KANK1: variants seen among roughly 807,000 people sequenced by gnomAD.
KANK1 encodes the protein KN motif and ankyrin repeat domain-containing protein 1.
KANK1 carries 109 observed loss-of-function variants against 106.2 expected under a neutral mutation model. The ratio of observed to expected loss-of-function variants is 1.03; its 90% CI spans 0.88 to 1.20. The LOEUF (loss-of-function observed/expected upper bound fraction) is 1.20. KANK1 is among the 50% of genes most tolerant of loss of function. The probability of loss-of-function intolerance (pLI) is 0.00; values close to 1 mark genes in which losing one functional copy is unlikely to be tolerated. For synonymous variants in KANK1, 873 were observed against 652.2 expected (o/e 1.34, Z -5.16); for missense variants, 2,399 against 1,710.7 (o/e 1.40, Z -7.10).
rs150303132 is a variant in KANK1 at position 712,026 on chromosome 9, G to C, written c.1260G>C (p.Arg420Ser). 127 of 1,614,162 alleles carry C rather than the reference G, an allele frequency of 7.9e-5. No homozygotes were observed. In the African/African-American group the frequency reaches 1.6e-3, roughly 20 times the overall value. ...NDIVVYHRGS[R>S]SCKDAAVGTL... The stretch of plus-strand genomic sequence containing the variant: ...TCGTCGTGTACCACAGAGGCTCCAG[G>C]TCCTGTAAGGATGCAGCTGTAGGGA... Residue 420 changes from arginine to serine, a missense_variant, in exon 3 of 12, where the codon AGG (arginine) becomes AGC (serine). Transcript: ENST00000382297.
chr9:664,438 T>A (rs556413575), intron 1 of KANK1, among the ~76,000 whole-genome samples: 1 of 152,282 alleles, frequency 6.6e-6, no homozygotes, highest in Admixed American at 6.5e-5. Flanking sequence ...CTATTGTGTA[T>A]TTTTACCACA....
intron 1 of KANK1, among the ~76,000 whole-genome samples, chr9:516,736 T>C (rs957464649): frequency 8.6e-5 from 13 of 151,704 alleles, no homozygotes; most frequent in African/African-American, 3.2e-4. Flanking sequence ...TCAAAAATAC[T>C]TGTTGAATGA....
At position 712,390 on chromosome 9, in the gene KANK1, G is replaced by T; in HGVS notation, c.1624G>T (p.Val542Leu). Residue 542 changes from valine (V) to leucine (L), a missense_variant, in exon 3 of 12, where the codon GTG (valine) becomes TTG (leucine). By Grantham distance (32) the Val-to-Leu change is conservative. Coordinates refer to ENST00000382297, the MANE Select transcript of KANK1 (RefSeq NM_015158.5). The part of the protein sequence containing the change: ...DLVDTCVGTS[V>L]ETNSVGISCQ... ...GGTGGACACGTGTGTTGGGACCTCC[G>T]TGGAAACAAACAGTGTAGGCATCTC... is the stretch of plus-strand genomic sequence containing the variant. 6.2e-7 allele frequency: 1 copy of T among 1,614,188 alleles called. No homozygotes were observed. Among genetic ancestry groups the T allele is most frequent in the Non-Finnish European group, 8.5e-7 (1 of 1,180,050 alleles).
chr9:677,020 G>C lies in KANK1; in HGVS notation c.37+11G>C, dbSNP rs755648219. 3.7e-6 allele frequency: 6 copies of C among 1,612,320 alleles called. No homozygotes were observed. In the South Asian group the frequency reaches 4.4e-5, roughly 12 times the overall value. On this transcript the variant is annotated intron_variant, in intron 2 of 11. Coordinates refer to ENST00000382297, the MANE Select transcript of KANK1 (RefSeq NM_015158.5). ...ACGGCAGTGCCTCAGGTAACCCTGTGCTCTGGAGTTTGTGTGTTAAATGTA... is the reference window on the plus strand; with the variant it reads ...ACGGCAGTGCCTCAGGTAACCCTGTCCTCTGGAGTTTGTGTGTTAAATGTA...
At chr9:606,923 G>C (rs1011155271) in intron 1 of KANK1, among the ~76,000 whole-genome samples, 25 of 151,718 alleles carry the variant, frequency 1.6e-4, no homozygotes, top group South Asian at 1.5e-3. Context: ...GCAGGCTACT[G>C]AGTTGGCTTA....
At chr9:500,394 T>A (rs2058529479), upstream of KANK1, among the ~76,000 whole-genome samples, 1 of 152,196 alleles carries the variant, frequency 6.6e-6, no homozygotes, top group Admixed American at 6.5e-5. Flanking sequence ...GGTAACTCCA[T>A]AAGGCTCTTC....
chr9:639,689 C>A (rs1837953675), intron 1 of KANK1, among the ~76,000 whole-genome samples: 1 of 152,198 alleles, frequency 6.6e-6, no homozygotes, highest in African/African-American at 2.4e-5. Context: ...TAAGTAAAGT[C>A]TCCGTCTTAG....
intron 1 of KANK1, among the ~76,000 whole-genome samples, chr9:631,656 G>C (rs1156909047): frequency 6.6e-6 from 1 of 152,192 alleles, no homozygotes; most frequent in East Asian, 1.9e-4. Context: ...GTGTCTTTCA[G>C]TGACTCCTGC....
chr9:561,471 C>G (rs1038142199), intron 1 of KANK1, among the ~76,000 whole-genome samples: 2 of 152,202 alleles, frequency 1.3e-5, no homozygotes, highest in Admixed American at 6.5e-5. Context: ...TAAACAACAA[C>G]TCTACAATGA....
chr9:552,486 A>G (rs1284409861), intron 1 of KANK1, among the ~76,000 whole-genome samples: 1 of 152,182 alleles, frequency 6.6e-6, no homozygotes, highest in Non-Finnish European at 1.5e-5. Flanking sequence ...TTCTTAAGTG[A>G]CTTTTTCTTT....
rs566546670 is a variant in KANK1 at position 693,610 on chromosome 9, G to A, written c.37+16601G>A. ...GCCAAGAGTCCTGGAATTAAACCCC[G>A]TGGCCAGCAGGCTGTTAGTTCGTCA... On this transcript the variant is annotated intron_variant, in intron 2 of 11. Transcript: ENST00000382297. 33 of 985,318 alleles carry A rather than the reference G, an allele frequency of 3.3e-5. No homozygotes were observed. In the South Asian group the frequency reaches 4.2e-4, roughly 13 times the overall value. 61.0% of individuals were successfully genotyped at this position (985,318 alleles called of 1,614,324 possible).
intron 1 of KANK1, among the ~76,000 whole-genome samples, chr9:532,089 G>A (rs1451670422): frequency 1.3e-5 from 2 of 152,174 alleles, no homozygotes; most frequent in African/African-American, 2.4e-5. Flanking sequence ...TCGTCTGTGG[G>A]CCACTCTGAG....
chr9:556,116 C>T (rs1390666546), intron 1 of KANK1, among the ~76,000 whole-genome samples: 1 of 151,970 alleles, frequency 6.6e-6, no homozygotes, highest in African/African-American at 2.4e-5. Flanking sequence ...GGGGAAAATA[C>T]CCAAAGAATT....
intron 3 of KANK1, among the ~76,000 whole-genome samples, chr9:498,236 T>G (rs41354745): frequency 0.027 from 4,101 of 152,280 alleles, 192 homozygotes; most frequent in African/African-American, 0.093. Flanking sequence ...TTCCAAGTAT[T>G]TAGCAGATAA....
upstream of KANK1, among the ~76,000 whole-genome samples, chr9:504,265 T>A (rs2058625741): frequency 6.6e-6 from 1 of 151,992 alleles, no homozygotes; most frequent in Non-Finnish European, 1.5e-5. Context: ...AGGATGGACG[T>A]GGTAAATACG....
intron 1 of KANK1, among the ~76,000 whole-genome samples, chr9:668,427 C>G (rs1346197607): frequency 5.3e-5 from 8 of 152,022 alleles, no homozygotes; most frequent in African/African-American, 1.9e-4. Context: ...ATGTATTAAT[C>G]AGTTCTAAGA....
At chr9:652,366 C>A (rs886546396) in intron 1 of KANK1, among the ~76,000 whole-genome samples, 6 of 151,934 alleles carry the variant, frequency 3.9e-5, no homozygotes, top group Admixed American at 2.6e-4. Context: ...ACTAAAAATA[C>A]AAAAAAATTA....
chr9:564,813 C>T (rs1240998700), intron 1 of KANK1, among the ~76,000 whole-genome samples: 1 of 152,198 alleles, frequency 6.6e-6, no homozygotes, highest in Non-Finnish European at 1.5e-5. Flanking sequence ...CTCAGTTCAC[C>T]TTATCATTCC....
chr9:570,101 T>C (rs1818798688), intron 1 of KANK1, among the ~76,000 whole-genome samples: 1 of 152,202 alleles, frequency 6.6e-6, no homozygotes, highest in Non-Finnish European at 1.5e-5. Context: ...AGATGTCTGT[T>C]GTTTCTGTGA....
Sources: gnomAD v4.1 joint callset for allele counts (sites outside exome capture counted in the v4.1 genomes callset) on GRCh38, gnomAD v4.1.1 for gene constraint, MANE v1.5 for transcripts, NCBI Gene and HGNC (gene_info 2026-07-23, HGNC 2026-07-21) for gene names.